Variants in TAF3 observed in about 807,000 individuals in gnomAD.
TAF3 encodes the protein TATA-box binding protein associated factor 3.
Under a neutral mutation model 80.6 loss-of-function variants are expected in TAF3, and 7 were observed. The observed-to-expected ratio is 0.09, with a 90% CI of 0.05 to 0.16. TAF3 has a LOEUF of 0.16. Among genes scored for constraint, TAF3 ranks in the 10% least tolerant of loss-of-function variants. The pLI, the probability that TAF3 is intolerant of heterozygous loss-of-function variation, is 1.00. For missense variants in TAF3, 921 were observed against 1,140.2 expected, an observed-to-expected ratio of 0.81 and a Z score of 2.77; for synonymous variants, 444 against 446.1, an observed-to-expected ratio of 1.00 and a Z score of 0.06.
intron 2 of TAF3, among the ~76,000 whole-genome samples, chr10:7,934,886 T>G (rs2131200359): frequency 3.3e-5 from 5 of 152,362 alleles, no homozygotes; most frequent in Admixed American, 3.3e-4. Flanking sequence ...AGGCATGTTC[T>G]AGGTGCTGAA....
intron 2 of TAF3, among the ~76,000 whole-genome samples, chr10:7,878,787 G>A (rs944157119): frequency 3.3e-5 from 5 of 151,922 alleles, no homozygotes; most frequent in Non-Finnish European, 5.9e-5. Flanking sequence ...GGAGTGGAGC[G>A]GCATGATTGG....
intron 2 of TAF3, among the ~76,000 whole-genome samples, chr10:7,879,397 A>G (rs1837339373): frequency 6.6e-6 from 1 of 152,200 alleles, no homozygotes. Context: ...ATTTTATCTC[A>G]TAAGGTTTTG....
intron 1 of TAF3, among the ~76,000 whole-genome samples, chr10:7,822,092 T>C (rs1460835315): frequency 3.3e-5 from 5 of 152,050 alleles, no homozygotes; most frequent in Non-Finnish European, 5.9e-5. Flanking sequence ...TGCATACTCC[T>C]AAGTAGGGGA....
intron 2 of TAF3, among the ~76,000 whole-genome samples, chr10:7,867,907 A>G (rs1415819709): frequency 6.6e-6 from 1 of 152,228 alleles, no homozygotes; most frequent in Admixed American, 6.5e-5. Context: ...TATTTCGTAT[A>G]TTATATGTAC....
chr10:7,941,542 G>A (rs942491715), intron 2 of TAF3, among the ~76,000 whole-genome samples: 1 of 152,200 alleles, frequency 6.6e-6, no homozygotes, highest in Non-Finnish European at 1.5e-5. Context: ...GTGCTCTTTG[G>A]CACAATCTGA....
At chr10:7,983,609 G>A (rs1831748331) in intron 4 of TAF3, among the ~76,000 whole-genome samples, 2 of 152,162 alleles carry the variant, frequency 1.3e-5, no homozygotes, top group South Asian at 2.1e-4. Context: ...GAATGTTGGA[G>A]TTTTATTTTT....
At chr10:7,925,867 T>G (rs1004921590) in intron 2 of TAF3, among the ~76,000 whole-genome samples, 3 of 151,876 alleles carry the variant, frequency 2.0e-5, no homozygotes, top group Non-Finnish European at 4.4e-5. Context: ...TTTTACAATT[T>G]CAATACCTTG....
chr10:7,961,965 T>C (rs1268006166), intron 2 of TAF3, among the ~76,000 whole-genome samples: 1 of 152,076 alleles, frequency 6.6e-6, no homozygotes, highest in East Asian at 1.9e-4. Flanking sequence ...CCCTTGCACC[T>C]CAGTCTCCCA....
rs1416536156 is a variant in TAF3, at chr10:8,009,986, A to G, written c.2568+656A>G. 1.3e-5 allele frequency among the ~76,000 whole-genome samples: 2 copies of G among 151,442 alleles called. No homozygotes were observed. The highest frequency in any genetic ancestry group is 2.9e-5 in the Non-Finnish European group (2 of 67,866). ...GAGTGCAGTGGTACGATCTCGGCTCACTGCAGCCCCTGCCTCCCAGGCTCA... is the reference window on the plus strand; with the variant it reads ...GAGTGCAGTGGTACGATCTCGGCTCGCTGCAGCCCCTGCCTCCCAGGCTCA... On this transcript the variant is annotated intron_variant, in intron 5 of 6. Transcript: ENST00000344293. This position sits in a 1 kb window ranked among gnomAD's most constrained non-coding sequence, Gnocchi z 4.1.
At chr10:7,881,119 C>G (rs1837356949) in intron 2 of TAF3, among the ~76,000 whole-genome samples, 1 of 151,840 alleles carries the variant, frequency 6.6e-6, no homozygotes, top group Non-Finnish European at 1.5e-5. Context: ...ATCTGTAGTC[C>G]CAGCTACTTG....
intron 2 of TAF3, among the ~76,000 whole-genome samples, chr10:7,840,302 G>A (rs369714270): frequency 2.0e-5 from 3 of 151,686 alleles, no homozygotes; most frequent in African/African-American, 4.8e-5. Context: ...ACAGGCGCCC[G>A]CCACCACGCC....
intron 2 of TAF3, among the ~76,000 whole-genome samples, chr10:7,882,226 C>T (rs778183827): frequency 1.3e-5 from 2 of 152,090 alleles, no homozygotes; most frequent in African/African-American, 4.8e-5. Context: ...TATTGGAGAC[C>T]GTCAAGCATC....
At chr10:7,980,691 A>G (rs768821143) in intron 4 of TAF3, among the ~76,000 whole-genome samples, 29 of 152,244 alleles carry the variant, frequency 1.9e-4, no homozygotes, top group Admixed American at 4.6e-4. Flanking sequence ...GCCTAGCAGA[A>G]GCCTTGCCTT....
chr10:7,842,151 G>GTTTTTTTTTTTGTTT (rs1836921526), intron 2 of TAF3, among the ~76,000 whole-genome samples: 2 of 98,746 alleles, frequency 2.0e-5, no homozygotes, highest in Admixed American at 1.1e-4. Flanking sequence ...AATTAATATT[G>GTTTTTTTTTTTGTTT]TTTTTTTTTT....
In TAF3 at chr10:7,988,440, A is replaced by T. The variant is rs530294110; in HGVS notation, c.2315+11117A>T. Among the ~76,000 whole-genome samples, 492 of 151,638 alleles carry T rather than the reference A, an allele frequency of 3.2e-3. 2 individuals carry two copies. The highest frequency in any genetic ancestry group is 0.011 in the African/African-American group (469 of 41,332). ...CCCTGTTTCTACTAAAAATACAGAA[A>T]TTACACCTGTTATCCCAGCTACTCA... On this transcript the variant is annotated intron_variant, in intron 4 of 6. Coordinates refer to ENST00000344293, the MANE Select transcript of TAF3 (RefSeq NM_031923.4).
At chr10:7,869,478 G>A (rs1029878567) in intron 2 of TAF3, among the ~76,000 whole-genome samples, 2 of 152,198 alleles carry the variant, frequency 1.3e-5, no homozygotes, top group African/African-American at 4.8e-5. Context: ...TGGGAGCATA[G>A]TGTTGCATTA....
intron 2 of TAF3, among the ~76,000 whole-genome samples, chr10:7,877,235 T>C (rs1205343268): frequency 1.3e-5 from 2 of 152,212 alleles, no homozygotes; most frequent in African/African-American, 2.4e-5. Context: ...TATACTGATT[T>C]CATAATTTCT....
chr10:7,859,240 G>A (rs11255409), intron 2 of TAF3, among the ~76,000 whole-genome samples: 26,670 of 150,704 alleles, frequency 0.18, 2,793 homozygotes, highest in East Asian at 0.52. Context: ...CAGCCTGGGC[G>A]ACAGAGTGAG....
intron 2 of TAF3, among the ~76,000 whole-genome samples, chr10:7,882,443 A>C (rs894120967): frequency 6.6e-6 from 1 of 152,212 alleles, no homozygotes; most frequent in Non-Finnish European, 1.5e-5. Flanking sequence ...AGGAATCTTC[A>C]GAAGTAAGAA....
Sources: allele counts gnomAD v4.1 joint callset (sites outside exome capture counted in the v4.1 genomes callset), GRCh38; gene constraint gnomAD v4.1.1; non-coding constraint Gnocchi (gnomAD v3.1); transcripts MANE v1.5; gene names NCBI Gene and HGNC (gene_info 2026-07-23, HGNC 2026-07-21).